WNK1: variants seen among roughly 807,000 people sequenced by gnomAD.
The protein encoded by WNK1 is WNK lysine deficient protein kinase 1.
A neutral mutation model predicts 222.8 loss-of-function variants in WNK1; 38 were observed. The observed-to-expected ratio is 0.17, with a 90% CI of 0.13 to 0.22. The LOEUF is 0.22. Among genes scored for constraint, WNK1 ranks in the 10% least tolerant of loss-of-function variants. The pLI is 1.00. For synonymous variants in WNK1, 1,090 were observed against 1,092.9 expected, an observed-to-expected ratio of 1.00 and a Z score of 0.05; for missense variants, 2,348 against 2,918.4, an observed-to-expected ratio of 0.80 and a Z score of 4.50.
At chr12:892,035 C>CTTT (rs34947524) in intron 22 of WNK1, among the ~76,000 whole-genome samples, 1 of 135,958 alleles carries the variant, frequency 7.4e-6, no homozygotes, top group African/African-American at 2.7e-5. Flanking sequence ...TTATAACTAA[C>CTTT]TTTTTTTTTT....
intron 26 of WNK1, among the ~76,000 whole-genome samples, chr12:903,856 C>T (rs992953009): frequency 3.3e-5 from 5 of 152,172 alleles, no homozygotes; most frequent in African/African-American, 4.8e-5. Context: ...TTTGGAAGCA[C>T]GGCTTGGCTT....
chr12:883,667 C>T, intron 16 of WNK1, 99 bp downstream of exon 16: 1 of 1,588,698 alleles, frequency 6.3e-7, no homozygotes, highest in East Asian at 2.2e-5. Flanking sequence ...ACCTGACACC[C>T]ATGACCGACA....
At chr12:773,637 A>G (rs1202936647) in intron 1 of WNK1, among the ~76,000 whole-genome samples, 1 of 152,168 alleles carries the variant, frequency 6.6e-6, no homozygotes, top group Non-Finnish European at 1.5e-5. Context: ...GGATTTTAAT[A>G]TTTATTCACC....
chr12:911,076 C>CA lies in WNK1; in HGVS notation c.*2291dup, dbSNP rs1005268165. On this transcript the variant is annotated 3_prime_UTR_variant, in exon 28 of 28. Coordinates refer to ENST00000315939, the MANE Select transcript of WNK1 (RefSeq NM_018979.4). ...ATTTTGACATCTTTTCACTCATACACAAAAAAAGTCAGAACTGGTGTTATT... is the reference window on the plus strand; with the variant it reads ...ATTTTGACATCTTTTCACTCATACACAAAAAAAAGTCAGAACTGGTGTTATT... 6 of 385,244 alleles carry CA rather than the reference C, an allele frequency of 1.6e-5. No homozygotes were observed. The highest frequency in any genetic ancestry group is 2.7e-5 in the Non-Finnish European group (6 of 218,922). 23.9% of individuals were successfully genotyped at this position (385,244 alleles called of 1,614,324 possible). A position where few individuals can be genotyped will look rare whatever the true frequency, so the allele number is the denominator to read the frequency against.
chr12:865,160 G>C lies in WNK1; in HGVS notation c.2139+2890G>C, dbSNP rs11611231. On this transcript the variant is annotated intron_variant, in intron 8 of 27. Coordinates refer to ENST00000315939, the MANE Select transcript of WNK1 (RefSeq NM_018979.4). Reference sequence around the variant, plus strand: ...TTTGTGTTCCCATCTTTCTGCTGTTGCCTCTGTGTCCCGCATCTCTCCCAG... The same window carrying C: ...TTTGTGTTCCCATCTTTCTGCTGTTCCCTCTGTGTCCCGCATCTCTCCCAG... 163,174 of 1,531,320 alleles carry C rather than the reference G, an allele frequency of 0.11. 9,260 individuals carry two copies. The highest frequency in any genetic ancestry group is 0.22 in the East Asian group (9,051 of 40,808). 94.9% of individuals were successfully genotyped at this position (1,531,320 alleles called of 1,614,324 possible). A position where few individuals can be genotyped will look rare whatever the true frequency, so the allele number is the denominator to read the frequency against.
Position 879,840 on chromosome 12 carries a change from A to G in WNK1, c.2641A>G (p.Thr881Ala), listed in dbSNP as rs1952986002. 6.2e-7 allele frequency: 1 copy of G among 1,614,112 alleles called. No homozygotes were observed. The highest frequency in any genetic ancestry group is 8.5e-7 in the Non-Finnish European group (1 of 1,180,022). ...QPLLTLASSA[T>A]TAAIPGVSTV... is the part of the protein sequence containing the mutation. ...TCTGCTCACGTTGGCTTCATCTGCT[A>G]CAACAGCTGCGATCCCGGGGGTATC... Residue 881 changes from threonine to alanine, a missense_variant, in exon 11 of 28, where the codon ACA becomes GCA. Around this residue, in one of 13 missense-constraint regions of WNK1, gnomAD observed 547 missense variants for 558.3 expected, o/e 0.98. Coordinates refer to ENST00000315939, the MANE Select transcript of WNK1 (RefSeq NM_018979.4).
At position 753,642 on chromosome 12, in the gene WNK1, A is replaced by G. The variant is rs1182082362; in HGVS notation, c.77A>G (p.Lys26Arg). ...LFLSPPAPAP[K>R]NGSSSDSSVG... is the part of the protein sequence containing the mutation. ...CTCTCGCCGCCGGCTCCTGCCCCCAAGAATGGCTCCAGCTCCGATTCCTCC... is the reference window on the plus strand; with the variant it reads ...CTCTCGCCGCCGGCTCCTGCCCCCAGGAATGGCTCCAGCTCCGATTCCTCC... The change falls in exon 1 of 28, where the codon AAG becomes AGG. Residue 26 changes from lysine to arginine, a missense_variant. Physicochemically the swap from Lys to Arg is conservative, Grantham distance 26. Transcript: ENST00000315939. This position sits in a 1 kb window ranked among gnomAD's most constrained non-coding sequence, Gnocchi z 5.2. The G allele has an allele frequency of 6.2e-7, 1 of 1,612,604 alleles. No homozygotes were observed. The highest frequency in any genetic ancestry group is 1.3e-5 in the African/African-American group (1 of 75,004).
chr12:853,919 T>C (rs1451752270), intron 4 of WNK1, among the ~76,000 whole-genome samples: 1 of 151,612 alleles, frequency 6.6e-6, no homozygotes, highest in African/African-American at 2.4e-5. Flanking sequence ...ACCCCACTAG[T>C]TTTTTGTCTC....
At chr12:824,606 T>G (rs1173649869) in intron 2 of WNK1, among the ~76,000 whole-genome samples, 2 of 152,084 alleles carry the variant, frequency 1.3e-5, no homozygotes, top group African/African-American at 4.8e-5. Flanking sequence ...ATAGATATAA[T>G]TTAAGTAGAT....
chr12:886,929 A>G (rs1479808757), intron 19 of WNK1, among the ~76,000 whole-genome samples: 1 of 152,204 alleles, frequency 6.6e-6, no homozygotes, highest in Non-Finnish European at 1.5e-5. Flanking sequence ...ATATCTGGAC[A>G]CTGCCACTTA....
intron 25 of WNK1, among the ~76,000 whole-genome samples, chr12:899,437 A>G (rs1955035284): frequency 1.3e-5 from 2 of 151,992 alleles, no homozygotes; most frequent in South Asian, 4.1e-4. Flanking sequence ...CCAAATGTAT[A>G]AGAACACCTG....
chr12:863,809 C>T (rs1951403232), intron 8 of WNK1, among the ~76,000 whole-genome samples: 1 of 151,588 alleles, frequency 6.6e-6, no homozygotes. Flanking sequence ...ATGTGGCTTA[C>T]AATAATATGG....
chr12:770,368 A>G (rs1017368112), intron 1 of WNK1, among the ~76,000 whole-genome samples: 1 of 152,170 alleles, frequency 6.6e-6, no homozygotes, highest in East Asian at 1.9e-4. Context: ...TGTGTTTTGG[A>G]TTTTGAAAAT....
intron 26 of WNK1, chr12:906,792 C>T: frequency 1.0e-6 from 1 of 970,750 alleles, no homozygotes; most frequent in African/African-American, 1.8e-5. Flanking sequence ...GTAATCCCAG[C>T]ACTTTGGGAG....
intron 2 of WNK1, among the ~76,000 whole-genome samples, chr12:817,579 A>G (rs956700922): frequency 3.3e-5 from 5 of 152,168 alleles, no homozygotes; most frequent in African/African-American, 1.2e-4. Context: ...TTCTCTATGT[A>G]TATTTACATT....
intron 9 of WNK1, 194 bp from the exon 10 acceptor site, chr12:878,017 TG>T: frequency 1.5e-6 from 1 of 671,422 alleles, no homozygotes; most frequent in Non-Finnish European, 2.5e-6. Flanking sequence ...TAATTTTTCC[TG>T]GTGGCACCAT....
Position 911,096 on chromosome 12 carries a change from G to GTTA in WNK1, c.*2307_*2309dup. ...ATACACAAAAAAAGTCAGAACTGGTGTTATTTACTGTTGATTTCATCCTCC... is the reference window on the plus strand; with the variant it reads ...ATACACAAAAAAAGTCAGAACTGGTGTTATTATTTACTGTTGATTTCATCCTCC... On this transcript the variant is annotated 3_prime_UTR_variant, in exon 28 of 28. Transcript: ENST00000315939. The GTTA allele has an allele frequency of 5.1e-6, 2 of 392,336 alleles. No homozygotes were observed. The highest frequency in any genetic ancestry group is 3.6e-5 in the East Asian group (1 of 27,574). 24.3% of individuals were successfully genotyped at this position (392,336 alleles called of 1,614,324 possible).
chr12:817,811 G>A (rs1947486231), intron 2 of WNK1, among the ~76,000 whole-genome samples: 1 of 126,422 alleles, frequency 7.9e-6, no homozygotes, highest in South Asian at 2.6e-4. Flanking sequence ...AAATTAGCTG[G>A]GCATGATGGC....
At position 860,927 on chromosome 12, in the gene WNK1, CTT is replaced by C. The variant is rs11286613; in HGVS notation, c.1621-75_1621-74del. 0.071 allele frequency: 63,149 copies of C among 889,378 alleles called. 242 individuals are homozygous for C. The highest frequency in any genetic ancestry group is 0.2 in the East Asian group (6,357 of 31,118). 55.1% of individuals were successfully genotyped at this position (889,378 alleles called of 1,614,324 possible). On this transcript the variant is annotated intron_variant, in intron 6 of 27. Coordinates refer to ENST00000315939, the MANE Select transcript of WNK1 (RefSeq NM_018979.4). The stretch of plus-strand genomic sequence containing the variant: ...CTCTTCTCTACTTTTTTTACAATGC[CTT>C]TTTTTTTTTTGGCGGGGGGTGGTGG...
Sources: allele counts gnomAD v4.1 joint callset (sites outside exome capture counted in the v4.1 genomes callset), GRCh38; gene constraint gnomAD v4.1.1; regional missense constraint gnomAD v4.1.1; non-coding constraint Gnocchi (gnomAD v3.1); transcripts MANE v1.5; gene names NCBI Gene and HGNC (gene_info 2026-07-23, HGNC 2026-07-21).